The following GRK1 variants were observed in gnomAD, a reference collection of about 807,000 sequenced individuals.
GRK1 encodes rhodopsin kinase GRK1.
A neutral mutation model predicts 41.7 loss-of-function variants in GRK1; 28 were observed. The observed-to-expected ratio is 0.67, with a 90% confidence interval of 0.50 to 0.92. The LOEUF (loss-of-function observed/expected upper bound fraction) is 0.92. Ranked by LOEUF, GRK1 falls within the 40% of genes least tolerant of loss-of-function variation. The pLI is 0.00. For missense variants in GRK1, 703 were observed against 671.2 expected (o/e 1.05, Z -0.52); for synonymous variants, 327 against 286.7 (o/e 1.14, Z -1.42).
In GRK1 at chr13:113,667,515, G is replaced by A. The variant is rs780608021; in HGVS notation, c.129G>A (p.Pro43=). The A allele has an allele frequency of 1.0e-4, 168 of 1,612,990 alleles. 1 individual carries two copies. The highest frequency in any genetic ancestry group is 1.3e-4 in the Non-Finnish European group (155 of 1,179,758). The part of the protein sequence containing the change: ...KKYLAKLKLP[P]LSKCESLRDS... ...ACCTGGCCAAGCTCAAGCTGCCCCC[G>A]CTGTCCAAGTGTGAGTCCCTCCGCG... Residue 43 remains proline (P), a synonymous_variant, in exon 1 of 7, where the codon CCG becomes CCA. Transcript: ENST00000335678. This position sits in a 1 kb window ranked among gnomAD's most constrained non-coding sequence, Gnocchi z 7.5.
chr13:113,672,173 G>A lies in GRK1; in HGVS notation c.985+517G>A, dbSNP rs900456241. Among the ~76,000 whole-genome samples the A allele has an allele frequency of 7.2e-4, 110 of 152,114 alleles. 1 individual carries two copies. Among genetic ancestry groups the A allele is most frequent in the African/African-American group, 2.4e-3 (101 of 41,490 alleles). ...AGTGTGCGTGGTGTGTGCTGTGTGC[G>A]CGTATGTGGTTTGTGGGGTGTGTGT... is the stretch of plus-strand genomic sequence containing the variant. On this transcript the variant is annotated intron_variant, in intron 3 of 6. Transcript: ENST00000335678.
At chr13:113,649,623 G>T in the GRK1 span, 1 of 1,403,572 alleles carries the variant, frequency 7.1e-7, no homozygotes, top group South Asian at 1.5e-5. This position sits in a 1 kb window ranked among gnomAD's most constrained non-coding sequence, Gnocchi z 4.7. Flanking sequence ...CAACAGTCAG[G>T]TTGGTGCAGA....
chr13:113,733,047 C>T lies in GRK1; in HGVS notation c.1358C>T (p.Pro453Leu), dbSNP rs865897163. 1.1e-5 allele frequency: 17 copies of T among 1,536,926 alleles called. No individual in the cohort carries two copies. The South Asian group carries it at 1.5e-4, about 14-fold the overall frequency. Reference protein sequence around the residue: ...DETCDKLRAHPLFKDLNWRQL... With the variant: ...DETCDKLRAHLLFKDLNWRQL... ...ACCTGCGACAAGCTCCGTGCCCACCCCCTCTTCAAGGACCTTAACTGGAGG... is the reference window on the plus strand; with the variant it reads ...ACCTGCGACAAGCTCCGTGCCCACCTCCTCTTCAAGGACCTTAACTGGAGG... The change falls in exon 6 of 7, where the codon CCC becomes CTC. Residue 453 changes from proline (P) to leucine (L), a missense_variant. Physicochemically the swap from Pro to Leu is moderately conservative, Grantham distance 98. Transcript: ENST00000335678.
Position 113,668,007 on chromosome 13 carries a change from C to T in GRK1, c.621C>T (p.Cys207=). The T allele has an allele frequency of 6.2e-7, 1 of 1,611,436 alleles. No individual in the cohort carries two copies. The highest frequency in any genetic ancestry group is 8.5e-7 in the Non-Finnish European group (1 of 1,178,950). The change falls in exon 1 of 7, where the codon TGC becomes TGT. Residue 207 remains cysteine (C), a synonymous_variant. Coordinates refer to ENST00000335678, the MANE Select transcript of GRK1 (RefSeq NM_002929.3). ...GKGGFGEVSA[C]QMKATGKLYA... is the part of the protein sequence containing the mutation. Reference sequence around the variant, plus strand: ...GGGGCTTCGGGGAGGTGTCGGCCTGCCAGATGAAGGCGACCGGCAAGCTGT... The same window carrying T: ...GGGGCTTCGGGGAGGTGTCGGCCTGTCAGATGAAGGCGACCGGCAAGCTGT...
chr13:113,665,912 G>C (rs1254410477), upstream of GRK1, among the ~76,000 whole-genome samples: 4 of 139,228 alleles, frequency 2.9e-5, no homozygotes, highest in African/African-American at 1.1e-4. Context: ...AAGTGCCCCA[G>C]CTGCATTTCA....
chr13:113,733,838 C>CGT (rs2049970226), intron 6 of GRK1, among the ~76,000 whole-genome samples: 1 of 81,250 alleles, frequency 1.2e-5, no homozygotes, highest in Admixed American at 1.3e-4. Flanking sequence ...TGTGCACGTG[C>CGT]GTGTGCATGT....
intron 4 of GRK1, among the ~76,000 whole-genome samples, chr13:113,730,367 A>G (rs2049927995): frequency 8.0e-6 from 1 of 124,704 alleles, no homozygotes; most frequent in Non-Finnish European, 1.7e-5. Context: ...CTCCATCCCG[A>G]GACAGTCCCC....
rs913905160 is a variant in GRK1, at chr13:113,671,921, G to A, written c.985+265G>A. Among the ~76,000 whole-genome samples the A allele has an allele frequency of 6.6e-6, 1 of 152,206 alleles. No individual in the cohort carries two copies. The highest frequency in any genetic ancestry group is 1.9e-4 in the East Asian group (1 of 5,166). ...CACCTTCCTTCTGCCTGAATGAGGCGTCACACAGGGATTCTTCTCAGAAAT... is the reference window on the plus strand; with the variant it reads ...CACCTTCCTTCTGCCTGAATGAGGCATCACACAGGGATTCTTCTCAGAAAT... On this transcript the variant is annotated intron_variant, in intron 3 of 6. Coordinates refer to ENST00000335678, the MANE Select transcript of GRK1 (RefSeq NM_002929.3). The surrounding 1 kb of genome is among the most constrained non-coding windows in gnomAD (Gnocchi z 4.1).
intron 6 of GRK1, among the ~76,000 whole-genome samples, chr13:113,733,562 C>G (rs908679759): frequency 1.5e-4 from 21 of 138,284 alleles, no homozygotes; most frequent in African/African-American, 5.7e-4. Context: ...CACGTGTGTC[C>G]ATGTATGTGT....
At chr13:113,730,088 G>A (rs2049924485) in intron 4 of GRK1, among the ~76,000 whole-genome samples, 1 of 131,962 alleles carries the variant, frequency 7.6e-6, no homozygotes, top group Non-Finnish European at 1.6e-5. Context: ...CCCCGTGGCT[G>A]AGCCCAGACC....
the GRK1 span, chr13:113,652,974 A>C: frequency 6.2e-7 from 1 of 1,614,206 alleles, no homozygotes; most frequent in Non-Finnish European, 8.5e-7. Context: ...GTGAACTTGC[A>C]GGAGAACTTG....
chr13:113,657,997 CT>C, the GRK1 span: 1 of 1,539,064 alleles, frequency 6.5e-7, no homozygotes, highest in South Asian at 1.2e-5. Flanking sequence ...GAGCGGCCCC[CT>C]CCATGCACCC....
intron 6 of GRK1, among the ~76,000 whole-genome samples, chr13:113,733,641 ATGTGTGCATACGTG>A (rs1222135712): frequency 9.2e-6 from 1 of 108,406 alleles, no homozygotes. Context: ...GTGCTCATGT[ATGTGTGCATACGTG>A]TGTGTGCGTG....
At position 113,731,976 on chromosome 13, in the gene GRK1, G is replaced by A. The variant is rs1317920642; in HGVS notation, c.1194+633G>A. On this transcript the variant is annotated intron_variant, in intron 5 of 6. Coordinates refer to ENST00000335678, the MANE Select transcript of GRK1 (RefSeq NM_002929.3). This position sits in a 1 kb window ranked among gnomAD's most constrained non-coding sequence, Gnocchi z 5.6. ...AGTGGGGCTGCTGGGTCTCCCCTGA[G>A]TGCCCCCTGGGCTGCCCCGGATCCT... 6.6e-6 allele frequency among the ~76,000 whole-genome samples: 1 copy of A among 152,222 alleles called. No homozygotes were observed. The highest frequency in any genetic ancestry group is 2.4e-5 in the African/African-American group (1 of 41,456).
chr13:113,649,223 C>A, the GRK1 span: 4 of 789,268 alleles, frequency 5.1e-6, no homozygotes, highest in African/African-American at 3.6e-5. This position sits in a 1 kb window ranked among gnomAD's most constrained non-coding sequence, Gnocchi z 4.7. Flanking sequence ...CAGATGTGGG[C>A]GCTTCTCTGG....
chr13:113,669,789 A>G lies in GRK1; in HGVS notation c.802A>G (p.Thr268Ala). 1.9e-6 allele frequency: 3 copies of G among 1,613,888 alleles called. No homozygotes were observed. Among genetic ancestry groups the G allele is most frequent in the African/African-American group, 2.7e-5 (2 of 75,016 alleles). Residue 268 changes from threonine (T) to alanine (A), a missense_variant, in exon 2 of 7, where the codon ACC (threonine) becomes GCC (alanine). Physicochemically the swap from Thr to Ala is moderately conservative, Grantham distance 58. Transcript: ENST00000335678. ...ETKADLCLVM[T>A]IMNGGDIRYH... Reference sequence around the variant, plus strand: ...CAAAGCCGACCTCTGTCTGGTGATGACCATCATGAACGGAGGTGACATCAG... The same window carrying G: ...CAAAGCCGACCTCTGTCTGGTGATGGCCATCATGAACGGAGGTGACATCAG...
rs1401342496 is a variant in GRK1 at position 113,735,129 on chromosome 13, C to T, written c.1458C>T (p.Asp486=). 5.2e-6 allele frequency: 8 copies of T among 1,537,080 alleles called. No individual in the cohort carries two copies. The highest frequency in any genetic ancestry group is 2.4e-5 in the East Asian group (1 of 40,920). Residue 486 remains aspartate, a synonymous_variant, in exon 7 of 7, where the codon GAC becomes GAT. Coordinates refer to ENST00000335678, the MANE Select transcript of GRK1 (RefSeq NM_002929.3). The part of the protein sequence containing the change: ...SKTVYAKDIQ[D]VGAFSTVKGV... ...CTGTCTACGCAAAGGATATTCAGGA[C>T]GTGGGTGCCTTTTCCACCGTCAAAG...
intron 6 of GRK1, among the ~76,000 whole-genome samples, chr13:113,733,661 G>GCA (rs1491291428): frequency 1.0e-5 from 1 of 99,552 alleles, no homozygotes; most frequent in African/African-American, 5.4e-5. Context: ...ACGTGTGTGT[G>GCA]CGTGTGTGCA....
At chr13:113,662,991 T>A (rs2049798972), upstream of GRK1, among the ~76,000 whole-genome samples, 1 of 152,248 alleles carries the variant, frequency 6.6e-6, no homozygotes, top group South Asian at 2.1e-4. Context: ...AGTAAATATT[T>A]TCTTGCATAT....
Sources: gnomAD v4.1 joint callset for allele counts (sites outside exome capture counted in the v4.1 genomes callset) on GRCh38, gnomAD v4.1.1 for gene constraint, Gnocchi (gnomAD v3.1) non-coding constraint, MANE v1.5 for transcripts, NCBI Gene and HGNC (gene_info 2026-07-23, HGNC 2026-07-21) for gene names.